The following ZNF280D variants were observed in gnomAD, a reference collection of about 807,000 sequenced individuals.
ZNF280D encodes zinc finger protein 280D, also known as suppressor of hairy wing homolog 4.
ZNF280D carries 39 observed loss-of-function variants against 94.7 expected under a neutral mutation model. The ratio of observed to expected loss-of-function variants is 0.41; its 90% CI spans 0.32 to 0.54. The LOEUF (loss-of-function observed/expected upper bound fraction) is 0.54, where lower values mean the gene tolerates loss of function less well. Ranked by LOEUF, ZNF280D falls within the 20% of genes least tolerant of loss-of-function variation. ZNF280D has a pLI of 0.22. For synonymous variants in ZNF280D, 398 were observed against 377.6 expected, an observed-to-expected ratio of 1.05 and a Z score of -0.63; for missense variants, 1,090 against 1,149.3, an observed-to-expected ratio of 0.95 and a Z score of 0.75.
chr15:56,632,076 C>G lies in ZNF280D; in HGVS notation c.2362G>C (p.Ala788Pro), dbSNP rs777305229. The stretch of plus-strand genomic sequence containing the variant: ...GTTGATGAGCCTTCAAATGAATTTG[C>G]ATTACATCCATTTTTTTCTTTTGAA... ...ASSKEKNGCNANSFEGSSTTK... is the reference protein window; with the variant it reads ...ASSKEKNGCNPNSFEGSSTTK... The change falls in exon 22 of 22, where the codon GCA becomes CCA. Residue 788 changes from alanine (A) to proline (P), a missense_variant. Around this residue, in one of 3 missense-constraint regions of ZNF280D, gnomAD observed 577 missense variants for 568.8 expected, o/e 1.01. Transcript: ENST00000267807. The G allele has an allele frequency of 2.5e-6, 4 of 1,595,234 alleles. No homozygotes were observed. In the East Asian group the frequency reaches 6.7e-5, roughly 27 times the overall value.
At chr15:56,650,277 G>A (rs1389887994) in intron 19 of ZNF280D, among the ~76,000 whole-genome samples, 1 of 152,060 alleles carries the variant, frequency 6.6e-6, no homozygotes, top group African/African-American at 2.4e-5. Flanking sequence ...GTTACTACTG[G>A]TGCTAAGTAT....
At chr15:56,636,485 AT>A (rs71113011) in intron 20 of ZNF280D, among the ~76,000 whole-genome samples, 322 of 130,190 alleles carry the variant, frequency 2.5e-3, no homozygotes, top group African/African-American at 4.7e-3. Context: ...CTTCCTTCCT[AT>A]TTTTTTTTTT....
At chr15:56,689,972 A>C (rs8031966) in intron 7 of ZNF280D, among the ~76,000 whole-genome samples, 28,794 of 152,216 alleles carry the variant, frequency 0.19, 2,931 homozygotes, top group Admixed American at 0.24. Context: ...CTACCTAACA[A>C]ACTGAAGAGT....
At chr15:56,683,334 A>C (rs2055768266) in intron 9 of ZNF280D, among the ~76,000 whole-genome samples, 1 of 152,100 alleles carries the variant, frequency 6.6e-6, no homozygotes, top group South Asian at 2.1e-4. Context: ...TAAGCACCTT[A>C]AGAGATGAGA....
At chr15:56,695,358 C>G (rs1275887309) in intron 6 of ZNF280D, among the ~76,000 whole-genome samples, 4 of 151,728 alleles carry the variant, frequency 2.6e-5, no homozygotes, top group Non-Finnish European at 5.9e-5. Context: ...CAGGGGTAAG[C>G]CACTATGCCC....
In ZNF280D at chr15:56,658,464, T is replaced by C. The variant is rs1343509079; in HGVS notation, c.2017A>G (p.Lys673Glu). 2 of 1,584,942 alleles carry C rather than the reference T, an allele frequency of 1.3e-6. No homozygotes were observed. Among genetic ancestry groups the C allele is most frequent in the African/African-American group, 1.4e-5 (1 of 73,146 alleles). The change falls in exon 17 of 22, where the codon AAA (lysine) becomes GAA (glutamate). Residue 673 changes from lysine (K) to glutamate (E), a missense_variant. Around this residue, in one of 3 missense-constraint regions of ZNF280D, gnomAD observed 577 missense variants for 568.8 expected, o/e 1.01. Coordinates refer to ENST00000267807, the MANE Select transcript of ZNF280D (RefSeq NM_017661.4). Reference sequence around the variant, plus strand: ...TGCTTCTTAAAAATACAAAACCTTTTGCTTGGACGGTTACTATGAAAGCTG... The same window carrying C: ...TGCTTCTTAAAAATACAAAACCTTTCGCTTGGACGGTTACTATGAAAGCTG... Reference protein sequence around the residue: ...MMSFHSNRPSKRFCIFKKHSE... With the variant: ...MMSFHSNRPSERFCIFKKHSE...
intron 14 of ZNF280D, chr15:56,668,119 T>A: frequency 4.4e-6 from 2 of 454,668 alleles, no homozygotes; most frequent in Non-Finnish European, 8.8e-6. Flanking sequence ...TTAATTCAAA[T>A]AACAGACATA....
chr15:56,651,034 T>C (rs1342956520), intron 19 of ZNF280D, among the ~76,000 whole-genome samples: 2 of 152,222 alleles, frequency 1.3e-5, no homozygotes. Context: ...TTATTTACTT[T>C]TATTGTCTTT....
intron 20 of ZNF280D, among the ~76,000 whole-genome samples, chr15:56,636,984 G>C (rs576461038): frequency 8.5e-5 from 13 of 152,176 alleles, no homozygotes; most frequent in African/African-American, 1.2e-4. Context: ...GTAAAAGGCA[G>C]GCATGAGATA....
chr15:56,689,489 T>C lies in ZNF280D; in HGVS notation c.500-19A>G. On this transcript the variant is annotated intron_variant, in intron 7 of 21. Transcript: ENST00000267807. ...CTCATACCTACAATAATTTAAATAG[T>C]GAGAAAAATATTTTTTAAAATTAGA... The C allele has an allele frequency of 7.1e-7, 1 of 1,411,066 alleles. No individual in the cohort carries two copies. Among genetic ancestry groups the C allele is most frequent in the Non-Finnish European group, 9.5e-7 (1 of 1,053,952 alleles). 87.4% of individuals were successfully genotyped at this position (1,411,066 alleles called of 1,614,324 possible). A position where few individuals can be genotyped will look rare whatever the true frequency, so the allele number is the denominator to read the frequency against.
intron 16 of ZNF280D, among the ~76,000 whole-genome samples, chr15:56,661,228 T>C (rs544780567): frequency 1.4e-4 from 22 of 152,170 alleles, no homozygotes; most frequent in East Asian, 1.9e-4. Context: ...TGTGAAGATA[T>C]AGAAGAATTT....
At chr15:56,681,055 G>A (rs528059400) in intron 10 of ZNF280D, among the ~76,000 whole-genome samples, 1 of 152,184 alleles carries the variant, frequency 6.6e-6, no homozygotes, top group South Asian at 2.1e-4. Context: ...GGCCCTTAAA[G>A]TTTGATAAGA....
chr15:56,652,411 T>C (rs2053260401), intron 19 of ZNF280D: 1 of 187,188 alleles, frequency 5.3e-6, no homozygotes, highest in African/African-American at 2.4e-5. Context: ...GGCTTCCATA[T>C]AACAATGAGA....
intron 20 of ZNF280D, among the ~76,000 whole-genome samples, chr15:56,640,375 C>T (rs2052569887): frequency 1.3e-5 from 2 of 152,104 alleles, no homozygotes. Context: ...CCTCCCAGCT[C>T]TGTCTCCAAA....
intron 19 of ZNF280D, chr15:56,653,075 T>A (rs753292047): frequency 1.3e-5 from 13 of 982,142 alleles, no homozygotes; most frequent in Admixed American, 6.1e-5. Context: ...GAATTAATAC[T>A]GGTTAATAGA....
Position 56,682,487 on chromosome 15 carries a change from A to G in ZNF280D, c.781-10T>C. ...TGTCTGGACAACAATACTGAAAGAG[A>G]AAAAAAAAAAAAAAAAACAAGCCTT... On this transcript the variant is annotated splice_polypyrimidine_tract_variant and intron_variant, in intron 9 of 21. Transcript: ENST00000267807. 1.7e-6 allele frequency: 1 copy of G among 589,308 alleles called. No individual in the cohort carries two copies. The highest frequency in any genetic ancestry group is 2.9e-5 in the African/African-American group (1 of 34,542). The allele number at this position is 589,308 out of a possible 1,614,324, so 36.5% of individuals were successfully genotyped here. A position where few individuals can be genotyped will look rare whatever the true frequency, so the allele number is the denominator to read the frequency against.
intron 1 of ZNF280D, among the ~76,000 whole-genome samples, chr15:56,708,983 G>C (rs1223615452): frequency 1.2e-4 from 18 of 152,066 alleles, no homozygotes; most frequent in Non-Finnish European, 1.6e-4. Context: ...AAAAGCAACG[G>C]CAACAAAAGC....
intron 13 of ZNF280D, among the ~76,000 whole-genome samples, chr15:56,672,227 G>A (rs760758069): frequency 1.3e-5 from 2 of 152,110 alleles, no homozygotes; most frequent in Non-Finnish European, 2.9e-5. Context: ...TTGAATAGGA[G>A]TGGTGAGAGA....
At chr15:56,658,560 C>A in intron 16 of ZNF280D, 74 bp from the exon 17 acceptor site, 1 of 1,049,940 alleles carries the variant, frequency 9.5e-7, no homozygotes, top group Non-Finnish European at 1.3e-6. Flanking sequence ...TATTTCAAGT[C>A]CATACTTAAG....
Sources: gnomAD v4.1 joint callset for allele counts (sites outside exome capture counted in the v4.1 genomes callset) on GRCh38, gnomAD v4.1.1 for gene constraint, gnomAD v4.1.1 regional missense constraint, MANE v1.5 for transcripts, NCBI Gene and HGNC (gene_info 2026-07-23, HGNC 2026-07-21) for gene names.